REDIC1: variants seen among roughly 807,000 people sequenced by gnomAD.
The protein encoded by REDIC1 is regulator of DNA class I crossover intermediates 1.
At chr12:39,744,505 T>G in the REDIC1 span, among the ~76,000 whole-genome samples, 1 of 152,124 alleles carries the variant, frequency 6.6e-6, no homozygotes, top group African/African-American at 2.4e-5. Flanking sequence ...AGCTTATGTA[T>G]AAGTGCAATG....
chr12:39,772,390 A>G, the REDIC1 span, among the ~76,000 whole-genome samples: 1 of 152,184 alleles, frequency 6.6e-6, no homozygotes, highest in Non-Finnish European at 1.5e-5. Context: ...GGGCTTGCCA[A>G]AAGAATAATC....
the REDIC1 span, chr12:39,683,250 A>T: frequency 5.5e-6 from 7 of 1,268,966 alleles, no homozygotes; most frequent in Non-Finnish European, 7.6e-6. Context: ...ATGTGTGTTT[A>T]TGTGTTTGGA....
At chr12:39,664,961 T>A in the REDIC1 span, among the ~76,000 whole-genome samples, 1 of 152,254 alleles carries the variant, frequency 6.6e-6, no homozygotes, top group Non-Finnish European at 1.5e-5. Flanking sequence ...CATTGTAGAT[T>A]CTGGATATTA....
the REDIC1 span, among the ~76,000 whole-genome samples, chr12:39,799,079 T>C: frequency 6.7e-6 from 1 of 149,058 alleles, no homozygotes; most frequent in East Asian, 1.9e-4. Flanking sequence ...TTTTTTTTTT[T>C]CCTTTTTTTT....
chr12:39,714,291 G>GGCATATATGTATATATGTATATA, the REDIC1 span, among the ~76,000 whole-genome samples: 1 of 39,260 alleles, frequency 2.5e-5, no homozygotes. Context: ...ATACGTATAT[G>GGCATATATGTATATATGTATATA]CATGCATATA....
chr12:39,849,562 G>A, the REDIC1 span, among the ~76,000 whole-genome samples: 1 of 152,156 alleles, frequency 6.6e-6, no homozygotes, highest in East Asian at 1.9e-4. Context: ...TCTGACTGAG[G>A]TGGTAAATTG....
chr12:39,831,015 G>A, the REDIC1 span, among the ~76,000 whole-genome samples: 1 of 152,136 alleles, frequency 6.6e-6, no homozygotes, highest in Admixed American at 6.5e-5. Context: ...GCCAACTAAA[G>A]CCTACATCAT....
At chr12:39,690,160 G>A in the REDIC1 span, among the ~76,000 whole-genome samples, 1 of 152,128 alleles carries the variant, frequency 6.6e-6, no homozygotes, top group Non-Finnish European at 1.5e-5. Context: ...CCACAGGTTA[G>A]GTAAAATTAA....
chr12:39,868,408 T>C, the REDIC1 span, among the ~76,000 whole-genome samples: 129 of 152,272 alleles, frequency 8.5e-4, no homozygotes, highest in African/African-American at 2.9e-3. Flanking sequence ...AAAAACAAAA[T>C]AATTTCCCTT....
the REDIC1 span, among the ~76,000 whole-genome samples, chr12:39,820,083 C>T: frequency 6.6e-6 from 1 of 151,984 alleles, no homozygotes; most frequent in Non-Finnish European, 1.5e-5. Context: ...AGCTCTAAAT[C>T]CAATCTTTCC....
chr12:39,667,590 G>T, the REDIC1 span, among the ~76,000 whole-genome samples: 1 of 152,134 alleles, frequency 6.6e-6, no homozygotes, highest in African/African-American at 2.4e-5. Context: ...GGTCTGCTTG[G>T]TGCAGAGCTG....
chr12:39,670,097 T>C, the REDIC1 span, among the ~76,000 whole-genome samples: 1 of 152,152 alleles, frequency 6.6e-6, no homozygotes, highest in Non-Finnish European at 1.5e-5. Flanking sequence ...ATGAACCCGG[T>C]ACCTCAGTTG....
chr12:39,834,399 G>A, the REDIC1 span, among the ~76,000 whole-genome samples: 2 of 151,922 alleles, frequency 1.3e-5, no homozygotes, highest in African/African-American at 4.8e-5. Context: ...CCAAGTCATG[G>A]ACCAAACTTT....
the REDIC1 span, among the ~76,000 whole-genome samples, chr12:39,799,636 A>G: frequency 5.3e-5 from 8 of 152,238 alleles, no homozygotes; most frequent in African/African-American, 1.9e-4. Flanking sequence ...AAAAGATTGG[A>G]AAAATCAAGA....
chr12:39,769,984 T>C, the REDIC1 span, among the ~76,000 whole-genome samples: 1 of 152,128 alleles, frequency 6.6e-6, no homozygotes, highest in Non-Finnish European at 1.5e-5. Flanking sequence ...GCTCTTTGAT[T>C]ACTCTGTGGT....
the REDIC1 span, among the ~76,000 whole-genome samples, chr12:39,818,492 T>C: frequency 1.3e-5 from 2 of 152,212 alleles, no homozygotes; most frequent in Non-Finnish European, 2.9e-5. Flanking sequence ...AGTAATTACC[T>C]TCTTTGTTTA....
At chr12:39,897,473 C>T in the REDIC1 span, among the ~76,000 whole-genome samples, 2 of 152,162 alleles carry the variant, frequency 1.3e-5, no homozygotes, top group Admixed American at 1.3e-4. Flanking sequence ...AATGTTTCTA[C>T]AGGGAATTGT....
chr12:39,702,390 G>A, the REDIC1 span, among the ~76,000 whole-genome samples: 1 of 152,192 alleles, frequency 6.6e-6, no homozygotes, highest in African/African-American at 2.4e-5. Context: ...CCAGGAAGAA[G>A]TTGAATCCCT....
At chr12:39,841,149 T>A in the REDIC1 span, among the ~76,000 whole-genome samples, 1 of 152,082 alleles carries the variant, frequency 6.6e-6, no homozygotes, top group Non-Finnish European at 1.5e-5. Context: ...ATGCAAAAAA[T>A]TTTATAGTAG....
Sources: gnomAD v4.1 joint callset for allele counts (sites outside exome capture counted in the v4.1 genomes callset) on GRCh38, gnomAD v4.1.1 for gene constraint, MANE v1.5 for transcripts, NCBI Gene and HGNC (gene_info 2026-07-23, HGNC 2026-07-21) for gene names.